RBFOX1: variants seen among roughly 807,000 people sequenced by gnomAD.
RBFOX1 encodes the protein RNA binding protein fox-1 homolog 1.
In RBFOX1, 8 loss-of-function variants were observed where a neutral mutation model predicts 57.7. That is an observed-to-expected ratio of 0.14 (90% CI 0.08 to 0.25). RBFOX1 has a LOEUF of 0.25. RBFOX1 is among the 10% of genes least tolerant of loss of function. The pLI is 1.00. For synonymous variants in RBFOX1, 326 were observed against 222.4 expected (o/e 1.47, Z -4.15); for missense variants, 611 against 548.5 (o/e 1.11, Z -1.14).
At chr16:6,690,936 A>T (rs959291455) in intron 3 of RBFOX1, among the ~76,000 whole-genome samples, 4 of 151,438 alleles carry the variant, frequency 2.6e-5, no homozygotes, top group Admixed American at 2.0e-4. Flanking sequence ...AAATCTGTCA[A>T]CCTGTGATGA....
intron 1 of RBFOX1, among the ~76,000 whole-genome samples, chr16:5,271,334 A>G (rs560326286): frequency 2.0e-5 from 3 of 150,826 alleles, no homozygotes; most frequent in African/African-American, 7.3e-5. Context: ...TCCAGCCTGG[A>G]TTGCAGAAGA....
rs932644432 is a variant in RBFOX1, at chr16:5,319,471, C to G, written c.219+79366C>G. Reference sequence around the variant, plus strand: ...ATAGCCACTCCAGGGCTGTTTTCATCCCTAGAAGATGATCTTCCATCTGGG... The same window carrying G: ...ATAGCCACTCCAGGGCTGTTTTCATGCCTAGAAGATGATCTTCCATCTGGG... On this transcript the variant is annotated intron_variant, in intron 1 of 2. Coordinates refer to the RBFOX1 transcript ENST00000585867. Among the ~76,000 whole-genome samples the G allele has an allele frequency of 1.8e-4, 27 of 152,154 alleles. 4 individuals carry two copies. Among genetic ancestry groups the G allele is most frequent in the Admixed American group, 1.7e-3 (26 of 15,282 alleles).
intron 4 of RBFOX1, among the ~76,000 whole-genome samples, chr16:7,464,898 C>T (rs1364742194): frequency 6.6e-6 from 1 of 151,732 alleles, no homozygotes; most frequent in African/African-American, 2.4e-5. Flanking sequence ...GGGGTTTCAC[C>T]GTGTTAGCCA....
At chr16:5,317,184 T>A (rs1206257905) in intron 1 of RBFOX1, among the ~76,000 whole-genome samples, 1 of 152,178 alleles carries the variant, frequency 6.6e-6, no homozygotes, top group South Asian at 2.1e-4. Context: ...ATTCCCTTAA[T>A]AAATCCTTTC....
At chr16:7,385,785 G>T (rs555648036) in intron 4 of RBFOX1, among the ~76,000 whole-genome samples, 1 of 151,998 alleles carries the variant, frequency 6.6e-6, no homozygotes, top group South Asian at 2.1e-4. Flanking sequence ...ATAGAGTCTC[G>T]CTGTGTCACC....
chr16:7,173,103 G>C (rs151057707), intron 4 of RBFOX1, among the ~76,000 whole-genome samples: 12 of 152,252 alleles, frequency 7.9e-5, no homozygotes, highest in African/African-American at 2.4e-4. Context: ...CTAGGGTTTA[G>C]TATCAGACAT....
intron 3 of RBFOX1, among the ~76,000 whole-genome samples, chr16:6,798,569 A>C (rs1301508703): frequency 2.0e-5 from 3 of 152,328 alleles, no homozygotes; most frequent in South Asian, 4.1e-4. Flanking sequence ...ATGCTAACTA[A>C]GATAACAGCT....
chr16:6,608,915 C>T (rs1245050057), intron 2 of RBFOX1, among the ~76,000 whole-genome samples: 1 of 152,130 alleles, frequency 6.6e-6, no homozygotes, highest in Non-Finnish European at 1.5e-5. Context: ...CTTGCCCTTC[C>T]CAACTTTTAG....
chr16:7,708,760 G>C (rs953927687), intron 14 of RBFOX1, among the ~76,000 whole-genome samples: 1 of 152,166 alleles, frequency 6.6e-6, no homozygotes, highest in African/African-American at 2.4e-5. Context: ...CTCTAAGGCA[G>C]CTACTTGAGC....
intron 2 of RBFOX1, among the ~76,000 whole-genome samples, chr16:5,567,829 A>G (rs2046128281): frequency 6.6e-6 from 1 of 152,054 alleles, no homozygotes; most frequent in Admixed American, 6.5e-5. Context: ...CCTGATCATT[A>G]TATTCGTTAA....
intron 6 of RBFOX1, among the ~76,000 whole-genome samples, chr16:7,586,460 G>A (rs1044347054): frequency 6.6e-6 from 1 of 152,186 alleles, no homozygotes; most frequent in South Asian, 2.1e-4. Context: ...GTAAGACACA[G>A]TCGTTGAATT....
chr16:5,733,958 C>A (rs535918342), intron 3 of RBFOX1, among the ~76,000 whole-genome samples: 1 of 152,092 alleles, frequency 6.6e-6, no homozygotes. Context: ...TTCCTGACCT[C>A]GACCCTTCTC....
chr16:5,656,582 T>C (rs1284479637), intron 3 of RBFOX1, among the ~76,000 whole-genome samples: 2 of 152,234 alleles, frequency 1.3e-5, no homozygotes, highest in African/African-American at 4.8e-5. Flanking sequence ...AAAAGTTTCT[T>C]CCTGATTGCT....
At chr16:6,778,593 C>G (rs1253539317) in intron 3 of RBFOX1, among the ~76,000 whole-genome samples, 1 of 152,082 alleles carries the variant, frequency 6.6e-6, no homozygotes, top group Non-Finnish European at 1.5e-5. Flanking sequence ...GAACTGAAAT[C>G]CAAACGAGGA....
At chr16:6,544,205 C>T (rs11867130) in intron 2 of RBFOX1, among the ~76,000 whole-genome samples, 68,847 of 152,098 alleles carry the variant, frequency 0.45, 16,064 homozygotes, top group Non-Finnish European at 0.51. Context: ...CAGGCATTCA[C>T]TTTATGGTAC....
At chr16:5,867,242 A>G (rs1056278009) in intron 3 of RBFOX1, 34 of 1,113,288 alleles carry the variant, frequency 3.1e-5, no homozygotes, top group Non-Finnish European at 3.6e-5. Context: ...TTAAAAAGAC[A>G]ATTAATCCAA....
chr16:6,054,561 G>A (rs2095591524), intron 1 of RBFOX1, among the ~76,000 whole-genome samples: 1 of 152,140 alleles, frequency 6.6e-6, no homozygotes, highest in South Asian at 2.1e-4. Flanking sequence ...ACACTGGGTT[G>A]ACACCCTGAC....
intron 4 of RBFOX1, among the ~76,000 whole-genome samples, chr16:5,883,527 A>G (rs2057818650): frequency 6.7e-6 from 1 of 148,452 alleles, no homozygotes; most frequent in Non-Finnish European, 1.5e-5. Flanking sequence ...TGGCAAACCC[A>G]CAGTCCCAAC....
intron 3 of RBFOX1, among the ~76,000 whole-genome samples, chr16:6,658,484 G>A (rs1293044045): frequency 6.6e-6 from 1 of 152,104 alleles, no homozygotes; most frequent in South Asian, 2.1e-4. Flanking sequence ...TGGGATTACA[G>A]GCATGAGCCA....
Sources: gnomAD v4.1 joint callset for allele counts (sites outside exome capture counted in the v4.1 genomes callset) on GRCh38, gnomAD v4.1.1 for gene constraint, MANE v1.5 for transcripts, NCBI Gene and HGNC (gene_info 2026-07-23, HGNC 2026-07-21) for gene names.